The following AKAP8 variants were observed in gnomAD, a reference collection of about 807,000 sequenced individuals.
AKAP8 encodes the protein A-kinase anchor protein 8.
In AKAP8, 24 loss-of-function variants were observed where a neutral mutation model predicts 67.5. The ratio of observed to expected loss-of-function variants is 0.36; its 90% CI spans 0.26 to 0.50. The LOEUF (loss-of-function observed/expected upper bound fraction) is 0.50, where lower values mean the gene tolerates loss of function less well. Among genes scored for constraint, AKAP8 ranks in the 20% least tolerant of loss-of-function variants. The pLI is 0.97. For missense variants in AKAP8, 971 were observed against 955.9 expected, an observed-to-expected ratio of 1.02 and a Z score of -0.21; for synonymous variants, 400 against 371.1, an observed-to-expected ratio of 1.08 and a Z score of -0.90.
intron 9 of AKAP8, among the ~76,000 whole-genome samples, chr19:15,366,154 G>GAAAAAAAAAAAAAGAAAAAAA: frequency 1.1e-5 from 1 of 95,028 alleles, no homozygotes; most frequent in Non-Finnish European, 1.9e-5. Flanking sequence ...AAAGCAAAAA[G>GAAAAAAAAAAAAAGAAAAAAA]AAAAAAAAAA....
Position 15,372,478 on chromosome 19 carries a change from A to G in AKAP8, c.862-131T>C, listed in dbSNP as rs1967176157. Reference sequence around the variant, plus strand: ...TCTTTTCAAAAAGCAAAGAGACAACATAATTTGAAACTAAAAAGAAAATCA... The same window carrying G: ...TCTTTTCAAAAAGCAAAGAGACAACGTAATTTGAAACTAAAAAGAAAATCA... On this transcript the variant is annotated intron_variant, in intron 5 of 13. Coordinates refer to ENST00000269701, the MANE Select transcript of AKAP8 (RefSeq NM_005858.4). 5.3e-6 allele frequency: 7 copies of G among 1,309,854 alleles called. No homozygotes were observed. In the East Asian group the frequency reaches 1.0e-4, roughly 19 times the overall value. 81.1% of individuals were successfully genotyped at this position (1,309,854 alleles called of 1,614,324 possible).
chr19:15,363,944 A>C (rs2145069562), intron 9 of AKAP8, among the ~76,000 whole-genome samples: 1 of 151,956 alleles, frequency 6.6e-6, no homozygotes, highest in South Asian at 2.1e-4. Context: ...TTTGTTAAAC[A>C]GATGCTTGAA....
intron 12 of AKAP8, 110 bp from the exon 13 acceptor site, chr19:15,359,172 G>T: frequency 3.1e-6 from 3 of 969,154 alleles, no homozygotes; most frequent in Non-Finnish European, 1.6e-6. Context: ...GCAGAGAAGC[G>T]AATCTCAAAA....
chr19:15,365,005 G>C (rs1967046508), intron 9 of AKAP8, among the ~76,000 whole-genome samples: 4 of 152,182 alleles, frequency 2.6e-5, no homozygotes, highest in Admixed American at 2.6e-4. Flanking sequence ...CTGAAGAATG[G>C]GAACACAGGC....
At chr19:15,363,694 T>C (rs927826446) in intron 9 of AKAP8, among the ~76,000 whole-genome samples, 3 of 152,016 alleles carry the variant, frequency 2.0e-5, no homozygotes, top group African/African-American at 7.2e-5. Context: ...ATGATGACAA[T>C]GGCGGTTTTG....
intron 1 of AKAP8, among the ~76,000 whole-genome samples, chr19:15,378,811 T>A (rs1326164679): frequency 6.6e-6 from 1 of 152,176 alleles, no homozygotes; most frequent in Admixed American, 6.5e-5. Flanking sequence ...AAGGCTCTGA[T>A]TCCAGAAGCA....
chr19:15,369,578 G>C lies in AKAP8; in HGVS notation c.1072+568C>G, dbSNP rs1282103705. 1.3e-5 allele frequency among the ~76,000 whole-genome samples: 2 copies of C among 152,218 alleles called. No individual in the cohort carries two copies. Among genetic ancestry groups the C allele is most frequent in the Non-Finnish European group, 2.9e-5 (2 of 68,044 alleles). On this transcript the variant is annotated intron_variant, in intron 8 of 13. Transcript: ENST00000269701. The surrounding 1 kb of genome is among the most constrained non-coding windows in gnomAD (Gnocchi z 4.6). ...GCAGACCCTCTGGTCTCCTGCATTG[G>C]ACATGAAGAGACCTGCTGAAGGGCG...
intron 12 of AKAP8, 137 bp from the exon 13 acceptor site, chr19:15,359,199 T>C (rs1966925027): frequency 5.4e-6 from 4 of 745,394 alleles, no homozygotes; most frequent in East Asian, 5.1e-5. Flanking sequence ...CCTCCAAGAA[T>C]AGAAGGCTCC....
At position 15,362,320 on chromosome 19, in the gene AKAP8, C is replaced by G. The variant is rs995044303; in HGVS notation, c.1161-69G>C. On this transcript the variant is annotated intron_variant, in intron 9 of 13. Transcript: ENST00000269701. ...GCGAGTGAAGCAGGGGGCATCAGCT[C>G]ACCTCTGAGGAGAGCTGAAATAGAA... The G allele has an allele frequency of 1.9e-5, 30 of 1,569,144 alleles. No homozygotes were observed. In the East Asian group the frequency reaches 6.1e-4, roughly 32 times the overall value.
chr19:15,357,315 G>A (rs1050670957), intron 13 of AKAP8, among the ~76,000 whole-genome samples: 3 of 148,978 alleles, frequency 2.0e-5, no homozygotes, highest in Admixed American at 6.8e-5. Context: ...TGTAGTCCCA[G>A]GTACTCAGGA....
chr19:15,360,573 A>T (rs1055844290), intron 12 of AKAP8, among the ~76,000 whole-genome samples: 4 of 152,182 alleles, frequency 2.6e-5, no homozygotes, highest in Admixed American at 1.3e-4. Context: ...GTCTCAGCTT[A>T]TGGAAGCCCC....
chr19:15,355,432 C>A (rs1434862851), intron 13 of AKAP8, 62 bp from the exon 14 acceptor site: 1 of 1,478,512 alleles, frequency 6.8e-7, no homozygotes, highest in Non-Finnish European at 9.1e-7. Context: ...CCCATGATTG[C>A]GGGGATGTCA....
intron 8 of AKAP8, chr19:15,368,800 C>A: frequency 1.0e-6 from 1 of 985,370 alleles, no homozygotes; most frequent in Non-Finnish European, 1.2e-6. Flanking sequence ...GCGGCCCCGT[C>A]TGAACTAGGG....
intron 1 of AKAP8, among the ~76,000 whole-genome samples, 163 bp from the exon 2 acceptor site, chr19:15,377,177 T>C (rs1249448193): frequency 6.6e-6 from 1 of 152,046 alleles, no homozygotes; most frequent in Non-Finnish European, 1.5e-5. Flanking sequence ...AACTGGCTAA[T>C]GGCGTCATCG....
In AKAP8 at chr19:15,362,256, A is replaced by G. The variant is rs199729332; in HGVS notation, c.1161-5T>C. 1.4e-5 allele frequency: 23 copies of G among 1,613,942 alleles called. No homozygotes were observed. Among genetic ancestry groups the G allele is most frequent in the Non-Finnish European group, 1.7e-5 (20 of 1,179,976 alleles). On this transcript the variant is annotated splice_region_variant and splice_polypyrimidine_tract_variant and intron_variant, in intron 9 of 13. Coordinates refer to ENST00000269701, the MANE Select transcript of AKAP8 (RefSeq NM_005858.4). ...ACAGAACAGGCAAACTGAATTCTGT[A>G]GAAGGAAAACAAGGAGGGGAGTGAA...
In AKAP8 at chr19:15,368,588, T is replaced by C. The variant is rs1436975045; in HGVS notation, c.1073-266A>G. 5 of 984,784 alleles carry C rather than the reference T, an allele frequency of 5.1e-6. No homozygotes were observed. The African/African-American group carries it at 7.0e-5, about 14-fold the overall frequency. The allele number at this position is 984,784 out of a possible 1,614,324, so 61.0% of individuals were successfully genotyped here. A position where few individuals can be genotyped will look rare whatever the true frequency, so the allele number is the denominator to read the frequency against. On this transcript the variant is annotated intron_variant, in intron 8 of 13. Coordinates refer to ENST00000269701, the MANE Select transcript of AKAP8 (RefSeq NM_005858.4). ...CTAGGGACACAGCCTGCCCACCCCA[T>C]GTGCACCACAGCCCCCTGCTCCCTC...
chr19:15,370,263 G>GGCA, intron 7 of AKAP8, 84 bp from the exon 8 acceptor site: 1 of 1,506,430 alleles, frequency 6.6e-7, no homozygotes, highest in Non-Finnish European at 9.2e-7. Flanking sequence ...GCCACTGCCT[G>GGCA]GTGGGCAGTC....
chr19:15,354,130 T>A lies in AKAP8; in HGVS notation c.*785A>T, dbSNP rs1237266632. ...TCCCGAAGTGCTGGGATTATAGGTA[T>A]GCATCACCGTGCCTGGCCAAATTCT... On this transcript the variant is annotated 3_prime_UTR_variant, in exon 14 of 14. Transcript: ENST00000269701. The A allele has an allele frequency of 1.3e-5, 2 of 152,056 alleles. No individual in the cohort carries two copies. The highest frequency in any genetic ancestry group is 2.9e-5 in the Non-Finnish European group (2 of 68,032). 9.4% of individuals were successfully genotyped at this position (152,056 alleles called of 1,614,324 possible).
In AKAP8 at chr19:15,373,960, C is replaced by CCAT; in HGVS notation, c.194_196dup (p.Asp65dup). 6.2e-7 allele frequency: 1 copy of CCAT among 1,613,784 alleles called. No individual in the cohort carries two copies. Among genetic ancestry groups the CCAT allele is most frequent in the Non-Finnish European group, 8.5e-7 (1 of 1,179,862 alleles). On this transcript the variant is annotated inframe_insertion, in exon 4 of 14. Coordinates refer to ENST00000269701, the MANE Select transcript of AKAP8 (RefSeq NM_005858.4). ...GGCAGGGGCCCCGGCCGCCAGGCCG[C>CCAT]CATCATTGGCCTTGGCGGCCTCCCA... is the stretch of plus-strand genomic sequence containing the variant.
Sources: gnomAD v4.1 joint callset for allele counts (sites outside exome capture counted in the v4.1 genomes callset) on GRCh38, gnomAD v4.1.1 for gene constraint, Gnocchi (gnomAD v3.1) non-coding constraint, MANE v1.5 for transcripts, NCBI Gene and HGNC (gene_info 2026-07-23, HGNC 2026-07-21) for gene names.